RGS7: variants seen among roughly 807,000 people sequenced by gnomAD.
The protein encoded by RGS7 is regulator of G-protein signaling 7.
In RGS7, 27 loss-of-function variants were observed where a neutral mutation model predicts 81.1. The observed-to-expected ratio is 0.33, with a 90% CI of 0.25 to 0.46. The LOEUF (loss-of-function observed/expected upper bound fraction) is 0.46, where lower values mean the gene tolerates loss of function less well. Among genes scored for constraint, RGS7 ranks in the 20% least tolerant of loss-of-function variants. RGS7 has a pLI of 1.00. For missense variants in RGS7, 396 were observed against 607.4 expected (o/e 0.65, Z 3.66); for synonymous variants, 208 against 207.7 (o/e 1.00, Z -0.01).
intron 2 of RGS7, among the ~76,000 whole-genome samples, chr1:241,103,249 A>G (rs1407761262): frequency 6.6e-6 from 1 of 152,126 alleles, no homozygotes; most frequent in Non-Finnish European, 1.5e-5. Context: ...ATATATGCAC[A>G]TGCATATATT....
chr1:240,930,208 A>G (rs920060568), intron 6 of RGS7, among the ~76,000 whole-genome samples: 3 of 130,294 alleles, frequency 2.3e-5, no homozygotes, highest in Non-Finnish European at 4.9e-5. Context: ...TTAGCATTGA[A>G]TTTTCTTTTT....
At chr1:241,047,733 CTTTTTTTTTTTT>C (rs34738551) in intron 3 of RGS7, among the ~76,000 whole-genome samples, 3 of 89,514 alleles carry the variant, frequency 3.4e-5, no homozygotes, top group African/African-American at 9.1e-5. Context: ...GTTTACAATC[CTTTTTTTTTTTT>C]TTTTTTTTTT....
At chr1:240,826,940 C>G (rs1692939779) in intron 10 of RGS7, among the ~76,000 whole-genome samples, 158 bp downstream of exon 10, 1 of 152,058 alleles carries the variant, frequency 6.6e-6, no homozygotes. Flanking sequence ...TGTGCTTGAG[C>G]ATTAGGGTGG....
At position 241,140,901 on chromosome 1, in the gene RGS7, T is replaced by C. The variant is rs561278678; in HGVS notation, c.79-42139A>G. ...ACATATTTGACACAACATTACCCAC[T>C]AGTGCCTGTTCACCTCTGATCTTGT... On this transcript the variant is annotated intron_variant, in intron 2 of 18. Coordinates refer to ENST00000440928, the MANE Select transcript of RGS7 (RefSeq NM_001364886.1). Among the ~76,000 whole-genome samples, 7 of 152,338 alleles carry C rather than the reference T, an allele frequency of 4.6e-5. 1 individual carries two copies. Among genetic ancestry groups the C allele is most frequent in the African/African-American group, 1.7e-4 (7 of 41,574 alleles).
intron 2 of RGS7, among the ~76,000 whole-genome samples, chr1:241,201,464 A>G (rs2073489654): frequency 6.6e-6 from 1 of 152,136 alleles, no homozygotes; most frequent in East Asian, 1.9e-4. Flanking sequence ...CTGGAGCCTC[A>G]CCAGAGTGTG....
At chr1:240,957,852 A>G (rs1398753087) in intron 4 of RGS7, among the ~76,000 whole-genome samples, 4 of 152,184 alleles carry the variant, frequency 2.6e-5, no homozygotes, top group Non-Finnish European at 5.9e-5. Flanking sequence ...TTAAGAGCAA[A>G]TTACAATTAA....
At chr1:240,822,750 T>C (rs1692030209) in intron 10 of RGS7, among the ~76,000 whole-genome samples, 1 of 152,218 alleles carries the variant, frequency 6.6e-6, no homozygotes, top group South Asian at 2.1e-4. Flanking sequence ...AATCAATATA[T>C]ATTTTTTAAA....
intron 2 of RGS7, among the ~76,000 whole-genome samples, chr1:241,219,302 G>T (rs909717413): frequency 6.6e-6 from 1 of 152,088 alleles, no homozygotes; most frequent in African/African-American, 2.4e-5. Flanking sequence ...GTTTTAAAAA[G>T]AGGAGTTTCC....
intron 18 of RGS7, among the ~76,000 whole-genome samples, chr1:240,791,324 T>C (rs1685968359): frequency 6.6e-6 from 1 of 152,182 alleles, no homozygotes; most frequent in Admixed American, 6.5e-5. Context: ...TGGTGCACAA[T>C]GAAGAGGGCA....
At chr1:240,907,384 A>T (rs1209141863) in intron 6 of RGS7, among the ~76,000 whole-genome samples, 1 of 152,182 alleles carries the variant, frequency 6.6e-6, no homozygotes, top group East Asian at 1.9e-4. Context: ...ACTAAATACT[A>T]AATAGTATTA....
At chr1:241,302,914 T>C (rs528035227) in intron 2 of RGS7, among the ~76,000 whole-genome samples, 8 of 152,140 alleles carry the variant, frequency 5.3e-5, no homozygotes, top group African/African-American at 9.6e-5. Flanking sequence ...AATACTATTA[T>C]CACGTCCGGT....
At chr1:240,914,382 T>C (rs531011629) in intron 6 of RGS7, among the ~76,000 whole-genome samples, 1 of 152,318 alleles carries the variant, frequency 6.6e-6, no homozygotes, top group South Asian at 2.1e-4. Flanking sequence ...TCTCTCCTTT[T>C]CTGTTTCACA....
intron 2 of RGS7, among the ~76,000 whole-genome samples, chr1:241,311,373 T>C (rs1331207858): frequency 3.9e-5 from 6 of 152,234 alleles, no homozygotes; most frequent in Admixed American, 3.9e-4. Flanking sequence ...TTTCACTAGT[T>C]AATTGGCTAA....
intron 2 of RGS7, among the ~76,000 whole-genome samples, chr1:241,135,242 C>G (rs2067418003): frequency 1.3e-5 from 2 of 152,086 alleles, no homozygotes; most frequent in African/African-American, 2.4e-5. Context: ...CTGGCTAACA[C>G]GGTGAAACCC....
At chr1:241,334,802 C>T (rs191014813) in intron 2 of RGS7, among the ~76,000 whole-genome samples, 25 of 152,108 alleles carry the variant, frequency 1.6e-4, no homozygotes, top group Admixed American at 6.5e-4. Flanking sequence ...GCAAAAGGTC[C>T]CATCAGTAAT....
chr1:241,079,749 C>G (rs924512979), intron 3 of RGS7, among the ~76,000 whole-genome samples: 3 of 151,998 alleles, frequency 2.0e-5, no homozygotes, highest in Non-Finnish European at 4.4e-5. Context: ...AAAAACACAT[C>G]CGGACTAGCA....
chr1:241,186,154 A>G (rs1028812799), intron 2 of RGS7, among the ~76,000 whole-genome samples: 2 of 152,176 alleles, frequency 1.3e-5, no homozygotes, highest in African/African-American at 2.4e-5. Flanking sequence ...CAAAGACAGC[A>G]TCAATATTTA....
At chr1:241,014,920 A>G (rs2059147301) in intron 3 of RGS7, among the ~76,000 whole-genome samples, 1 of 152,182 alleles carries the variant, frequency 6.6e-6, no homozygotes, top group African/African-American at 2.4e-5. Flanking sequence ...TCCATCACTT[A>G]CATCAAAGGA....
At chr1:241,197,165 A>G (rs1272102040) in intron 2 of RGS7, among the ~76,000 whole-genome samples, 3 of 151,866 alleles carry the variant, frequency 2.0e-5, no homozygotes, top group African/African-American at 7.2e-5. Flanking sequence ...ATATGACACA[A>G]GAGACTCACC....
Sources: allele counts gnomAD v4.1 joint callset (sites outside exome capture counted in the v4.1 genomes callset), GRCh38; gene constraint gnomAD v4.1.1; transcripts MANE v1.5; gene names NCBI Gene and HGNC (gene_info 2026-07-23, HGNC 2026-07-21).